RFX2: variants seen among roughly 807,000 people sequenced by gnomAD.
RFX2 encodes the protein regulatory factor X2.
In RFX2, 20 loss-of-function variants were observed where a neutral mutation model predicts 87.8. That is an observed-to-expected ratio of 0.23 (90% confidence interval 0.16 to 0.33). The LOEUF (loss-of-function observed/expected upper bound fraction) is 0.33. Among genes scored for constraint, RFX2 ranks in the 10% least tolerant of loss-of-function variants. The pLI, the probability that RFX2 is intolerant of heterozygous loss-of-function variation, is 1.00. For missense variants in RFX2, 767 were observed against 1,012.3 expected, an observed-to-expected ratio of 0.76 and a Z score of 3.29; for synonymous variants, 397 against 431.3, an observed-to-expected ratio of 0.92 and a Z score of 0.98.
intron 1 of RFX2, among the ~76,000 whole-genome samples, chr19:6,107,616 CAAAAAAAAAAAAA>C (rs1156483792): frequency 3.2e-4 from 10 of 31,540 alleles, no homozygotes; most frequent in Non-Finnish European, 5.4e-4. Flanking sequence ...GACCCTGTCT[CAAAAAAAAAAAAA>C]AAAAAAAAAA....
At position 6,040,263 on chromosome 19, in the gene RFX2, C is replaced by T. The variant is rs1288217882; in HGVS notation, c.261-22G>A. ...TCGTCTGTTAGAAAGAGAGAAGTCA[C>T]GCATGGGACGCTGTCCCATTTAAAT... On this transcript the variant is annotated intron_variant, in intron 4 of 17. Coordinates refer to ENST00000303657, the MANE Select transcript of RFX2 (RefSeq NM_000635.4). This position sits in a 1 kb window ranked among gnomAD's most constrained non-coding sequence, Gnocchi z 6.1. 3.3e-6 allele frequency: 5 copies of T among 1,515,554 alleles called. No individual in the cohort carries two copies. Among genetic ancestry groups the T allele is most frequent in the Non-Finnish European group, 4.4e-6 (5 of 1,126,834 alleles). 93.9% of individuals were successfully genotyped at this position (1,515,554 alleles called of 1,614,324 possible). A position where few individuals can be genotyped will look rare whatever the true frequency, so the allele number is the denominator to read the frequency against.
intron 1 of RFX2, among the ~76,000 whole-genome samples, chr19:6,087,795 AATT>A (rs1218845948): frequency 6.6e-6 from 1 of 152,028 alleles, no homozygotes; most frequent in East Asian, 1.9e-4. Context: ...GCTAAACAGA[AATT>A]ATTTTCCTTG....
chr19:6,077,062 T>C (rs1313454245), intron 1 of RFX2: 1 of 152,206 alleles, frequency 6.6e-6, no homozygotes. Flanking sequence ...ACAGAACTCC[T>C]CCTACCACGT....
At chr19:6,078,619 G>A (rs2144853108) in intron 1 of RFX2, among the ~76,000 whole-genome samples, 1 of 152,138 alleles carries the variant, frequency 6.6e-6, no homozygotes, top group South Asian at 2.1e-4. Flanking sequence ...TAGGTAAAGG[G>A]GCCTTAAAAA....
rs1318740575 is a variant in RFX2, at chr19:6,083,984, G to A, written c.-9+26409C>T. ...CTCCAAATACAGGAGATGAGCACAC[G>A]TGTCCAGGGCACCCCAGACCTCTTG... is the stretch of plus-strand genomic sequence containing the variant. On this transcript the variant is annotated intron_variant, in intron 1 of 17. Transcript: ENST00000303657. This position sits in a 1 kb window ranked among gnomAD's most constrained non-coding sequence, Gnocchi z 4.6. 7.9e-5 allele frequency among the ~76,000 whole-genome samples: 12 copies of A among 152,094 alleles called. No homozygotes were observed. Among genetic ancestry groups the A allele is most frequent in the Non-Finnish European group, 8.8e-5 (6 of 68,014 alleles).
Position 6,017,288 on chromosome 19 carries a change from A to G in RFX2, c.598-1017T>C, listed in dbSNP as rs917221449. 1.3e-5 allele frequency among the ~76,000 whole-genome samples: 2 copies of G among 152,200 alleles called. No homozygotes were observed. The highest frequency in any genetic ancestry group is 4.8e-5 in the African/African-American group (2 of 41,462). ...CTAAATGAGTCCCGAGCCAAGGACT[A>G]TGCCTCGAGAGGTGAACATCCAGTT... is the stretch of plus-strand genomic sequence containing the variant. On this transcript the variant is annotated intron_variant, in intron 6 of 17. Transcript: ENST00000303657. This position sits in a 1 kb window ranked among gnomAD's most constrained non-coding sequence, Gnocchi z 4.1.
Position 6,001,156 on chromosome 19 carries a change from C to T in RFX2, c.1859+659G>A, listed in dbSNP as rs1158737281. 6.6e-6 allele frequency among the ~76,000 whole-genome samples: 1 copy of T among 152,212 alleles called. No homozygotes were observed. The highest frequency in any genetic ancestry group is 1.5e-5 in the Non-Finnish European group (1 of 68,036). The stretch of plus-strand genomic sequence containing the variant: ...ATTGTTCGGAAGTCTAATGCTGCTC[C>T]CATCCCCAGCCTGTTTCTTTCTCTC... On this transcript the variant is annotated intron_variant, in intron 15 of 17. Transcript: ENST00000303657. The surrounding 1 kb of genome is among the most constrained non-coding windows in gnomAD (Gnocchi z 5.6).
chr19:6,049,973 A>G (rs780726651), intron 1 of RFX2, among the ~76,000 whole-genome samples: 1 of 152,250 alleles, frequency 6.6e-6, no homozygotes, highest in Non-Finnish European at 1.5e-5. Context: ...GAAGGGTCAG[A>G]GGACAGAGTT....
Position 5,997,296 on chromosome 19 carries a change from A to G in RFX2, c.1860-83T>C. The G allele has an allele frequency of 1.4e-6, 2 of 1,390,040 alleles. No homozygotes were observed. Among genetic ancestry groups the G allele is most frequent in the African/African-American group, 2.9e-5 (2 of 69,256 alleles). The allele number at this position is 1,390,040 out of a possible 1,614,324, so 86.1% of individuals were successfully genotyped here. A position where few individuals can be genotyped will look rare whatever the true frequency, so the allele number is the denominator to read the frequency against. ...AGGCCAGACTTCATGGCAGCAACAC[A>G]CCCCCTGCTCTACGTTCCCTGGGGA... On this transcript the variant is annotated intron_variant, in intron 15 of 17. Coordinates refer to ENST00000303657, the MANE Select transcript of RFX2 (RefSeq NM_000635.4). This position sits in a 1 kb window ranked among gnomAD's most constrained non-coding sequence, Gnocchi z 4.2.
intron 17 of RFX2, 42 bp from the exon 18 acceptor site, chr19:5,994,992 G>T: frequency 2.1e-6 from 3 of 1,454,492 alleles, no homozygotes; most frequent in Non-Finnish European, 2.9e-6. Context: ...CATCAGGAGG[G>T]CACGAGAGGG....
rs889750546 is a variant in RFX2 at position 5,999,987 on chromosome 19, T to A, written c.1859+1828A>T. ...AGGGGTCAGCAAACTTGTTCTTATT[T>A]TTTTTTTTTTTCTTGAGATGGAGTT... On this transcript the variant is annotated intron_variant, in intron 15 of 17. Coordinates refer to ENST00000303657, the MANE Select transcript of RFX2 (RefSeq NM_000635.4). This position sits in a 1 kb window ranked among gnomAD's most constrained non-coding sequence, Gnocchi z 4.1. Among the ~76,000 whole-genome samples the A allele has an allele frequency of 4.6e-5, 7 of 150,814 alleles. No individual in the cohort carries two copies. The highest frequency in any genetic ancestry group is 6.6e-5 in the Admixed American group (1 of 15,164).
At chr19:6,096,611 T>A (rs1158850863) in intron 1 of RFX2, among the ~76,000 whole-genome samples, 3 of 152,108 alleles carry the variant, frequency 2.0e-5, no homozygotes, top group African/African-American at 7.2e-5. Flanking sequence ...CATGCCCGAC[T>A]AATTTTTTAT....
chr19:6,011,195 A>T lies in RFX2; in HGVS notation c.900-944T>A, dbSNP rs1007979675. Among the ~76,000 whole-genome samples, 2 of 152,218 alleles carry T rather than the reference A, an allele frequency of 1.3e-5. No individual in the cohort carries two copies. The highest frequency in any genetic ancestry group is 4.8e-5 in the African/African-American group (2 of 41,456). On this transcript the variant is annotated intron_variant, in intron 8 of 17. Transcript: ENST00000303657. The surrounding 1 kb of genome is among the most constrained non-coding windows in gnomAD (Gnocchi z 4.8). ...GAGATTCTTTGCGTGAATCACAAAC[A>T]TCTTATTATTGGTGCAATCTTAGAA...
chr19:6,108,994 A>T (rs924845835), intron 1 of RFX2, among the ~76,000 whole-genome samples: 9 of 151,402 alleles, frequency 5.9e-5, no homozygotes, highest in Non-Finnish European at 2.9e-5. Flanking sequence ...GAAAGAAATG[A>T]GCATTTGGGG....
chr19:6,017,183 C>T lies in RFX2; in HGVS notation c.598-912G>A, dbSNP rs1009124748. On this transcript the variant is annotated intron_variant, in intron 6 of 17. Transcript: ENST00000303657. The surrounding 1 kb of genome is among the most constrained non-coding windows in gnomAD (Gnocchi z 4.1). ...GGTTGAGGCTGCAGTGAGCTAGGGT[C>T]GCGCCACACTGTACTCCAGCCTGGG... 7.2e-5 allele frequency among the ~76,000 whole-genome samples: 11 copies of T among 152,264 alleles called. No homozygotes were observed. The highest frequency in any genetic ancestry group is 2.1e-4 in the South Asian group (1 of 4,828).
At chr19:6,106,663 G>A (rs1407167542) in intron 1 of RFX2, among the ~76,000 whole-genome samples, 1 of 152,090 alleles carries the variant, frequency 6.6e-6, no homozygotes, top group Non-Finnish European at 1.5e-5. Flanking sequence ...GCAGTTTAGT[G>A]AGTGTCCTGA....
intron 6 of RFX2, among the ~76,000 whole-genome samples, chr19:6,025,960 ATT>A (rs2086883349): frequency 6.6e-6 from 1 of 151,322 alleles, no homozygotes; most frequent in Non-Finnish European, 1.5e-5. Context: ...TAATTTTTCT[ATT>A]TTAATAGAGA....
intron 1 of RFX2, among the ~76,000 whole-genome samples, chr19:6,099,886 CAGTT>C (rs1475408708): frequency 3.3e-5 from 5 of 152,224 alleles, no homozygotes; most frequent in African/African-American, 2.4e-5. Context: ...TGTCTGGAAA[CAGTT>C]GGTTGTCACC....
intron 1 of RFX2, among the ~76,000 whole-genome samples, chr19:6,054,732 A>G (rs1348307873): frequency 6.6e-6 from 1 of 152,226 alleles, no homozygotes; most frequent in Admixed American, 6.5e-5. Flanking sequence ...AATGATTTCA[A>G]GTTAGAACAT....
Sources: gnomAD v4.1 joint callset for allele counts (sites outside exome capture counted in the v4.1 genomes callset) on GRCh38, gnomAD v4.1.1 for gene constraint, Gnocchi (gnomAD v3.1) non-coding constraint, MANE v1.5 for transcripts, NCBI Gene and HGNC (gene_info 2026-07-23, HGNC 2026-07-21) for gene names.